COPG2: variants seen among roughly 807,000 people sequenced by gnomAD.
COPG2 encodes the protein coat protein complex I subunit gamma 2.
A neutral mutation model predicts 46.3 loss-of-function variants in COPG2; 37 were observed. The ratio of observed to expected loss-of-function variants is 0.80; its 90% confidence interval spans 0.61 to 1.05. COPG2 has a LOEUF of 1.05. COPG2 is among the 50% of genes least tolerant of loss of function. COPG2 has a pLI of 0.00. For synonymous variants in COPG2, 159 were observed against 129.7 expected (o/e 1.23, Z -1.53); for missense variants, 427 against 387.8 (o/e 1.10, Z -0.85).
rs575261580 is a variant in COPG2 at position 130,665,349 on chromosome 7, C to T, written c.171+1500G>A. Among the ~76,000 whole-genome samples, 5 of 152,112 alleles carry T rather than the reference C, an allele frequency of 3.3e-5. No individual in the cohort carries two copies. The South Asian group carries it at 1.0e-3, about 32-fold the overall frequency. ...TATCTTAGCACCATATGTAAACCACCTGAGGTATATGGTATATATGTATGT... is the reference window on the plus strand; with the variant it reads ...TATCTTAGCACCATATGTAAACCACTTGAGGTATATGGTATATATGTATGT... On this transcript the variant is annotated intron_variant, in intron 3 of 23. Coordinates refer to ENST00000425248, the MANE Select transcript of COPG2 (RefSeq NM_012133.6).
At chr7:130,584,832 A>G (rs782169878) in intron 9 of COPG2, among the ~76,000 whole-genome samples, 6 of 152,084 alleles carry the variant, frequency 3.9e-5, no homozygotes, top group Non-Finnish European at 8.8e-5. Flanking sequence ...ATGGAAACAC[A>G]TCCCATGCTC....
rs1793589940 is a variant in COPG2 at position 130,554,654 on chromosome 7, T to C, written c.1295A>G (p.Lys432Arg). 1 of 398,508 alleles carries C rather than the reference T, an allele frequency of 2.5e-6. No individual in the cohort carries two copies. Among genetic ancestry groups the C allele is most frequent in the South Asian group, 1.3e-4 (1 of 7,858 alleles). 24.7% of individuals were successfully genotyped at this position (398,508 alleles called of 1,614,324 possible). The change falls in exon 14 of 24, where the codon AAA becomes AGA. Residue 432 changes from lysine (K) to arginine (R), a missense_variant. By Grantham distance (26) the Lys-to-Arg change is conservative. Coordinates refer to ENST00000425248, the MANE Select transcript of COPG2 (RefSeq NM_012133.6). ...ISIVEENPES[K>R]EAGLAHLCEF... ...ACAAAGGTGGGCTAGGCCTGCTTCT[T>C]TACTCTCAGGGTTCTCTTCCACAAT...
chr7:130,639,016 GC>G (rs1336437487), intron 5 of COPG2, among the ~76,000 whole-genome samples: 1 of 152,186 alleles, frequency 6.6e-6, no homozygotes, highest in Non-Finnish European at 1.5e-5. Flanking sequence ...CCCTGGTGAG[GC>G]AATGCCCCAT....
intron 20 of COPG2, among the ~76,000 whole-genome samples, chr7:130,515,890 A>T (rs1208642948): frequency 2.0e-5 from 3 of 152,188 alleles, no homozygotes; most frequent in African/African-American, 7.2e-5. Flanking sequence ...TAATCCAGTC[A>T]CAGCCACTCA....
rs375700621 is a variant in COPG2 at position 130,610,886 on chromosome 7, A to C, written c.737+67T>G. 3.3e-6 allele frequency: 5 copies of C among 1,531,538 alleles called. No individual in the cohort carries two copies. The African/African-American group carries it at 6.8e-5, about 21-fold the overall frequency. 94.9% of individuals were successfully genotyped at this position (1,531,538 alleles called of 1,614,324 possible). The stretch of plus-strand genomic sequence containing the variant: ...CTGCCCCAAAAAAAATTCAAAAAGG[A>C]AATAAACTCTAAGGTATATTAACTT... On this transcript the variant is annotated intron_variant, in intron 9 of 23. Coordinates refer to ENST00000425248, the MANE Select transcript of COPG2 (RefSeq NM_012133.6).
chr7:130,583,665 C>T (rs1482912675), intron 9 of COPG2, among the ~76,000 whole-genome samples: 1 of 150,306 alleles, frequency 6.7e-6, no homozygotes, highest in African/African-American at 2.4e-5. Context: ...ATTAGCCAGG[C>T]ATGGTGGCGC....
intron 20 of COPG2, among the ~76,000 whole-genome samples, chr7:130,525,955 G>A (rs1369067098): frequency 2.6e-5 from 4 of 152,172 alleles, no homozygotes; most frequent in African/African-American, 9.7e-5. Flanking sequence ...AAGAAGAAAT[G>A]AGTGACCTGG....
At chr7:130,579,749 G>A (rs1219529309) in intron 9 of COPG2, among the ~76,000 whole-genome samples, 3 of 150,618 alleles carry the variant, frequency 2.0e-5, no homozygotes, top group African/African-American at 7.3e-5. Context: ...AAAGAGACAA[G>A]GCCATTACAT....
intron 20 of COPG2, among the ~76,000 whole-genome samples, chr7:130,544,537 TATG>T (rs1283243726): frequency 6.6e-6 from 1 of 152,068 alleles, no homozygotes; most frequent in Non-Finnish European, 1.5e-5. Context: ...TAACAAGAAA[TATG>T]ATGCAATAAA....
intron 20 of COPG2, among the ~76,000 whole-genome samples, chr7:130,520,062 T>C (rs964352002): frequency 0.015 from 2,302 of 152,260 alleles, 62 homozygotes; most frequent in African/African-American, 0.053. Context: ...TCGGGATTCT[T>C]TGTAGAACAA....
Position 130,652,943 on chromosome 7 carries a change from T to C in COPG2, c.249A>G (p.Thr83=). ...MTRLFQSNDQ[T]LRRMCYLTIK... is the part of the protein sequence containing the mutation. ...TGGTAAGGTAGCACATTCTCCTCAA[T>C]GTTTGCTGAAAAATCATTTATAAAA... The change falls in exon 5 of 24, where the codon ACA becomes ACG. Residue 83 remains threonine (T), a synonymous_variant. Coordinates refer to ENST00000425248, the MANE Select transcript of COPG2 (RefSeq NM_012133.6). 1 of 1,595,128 alleles carries C rather than the reference T, an allele frequency of 6.3e-7. No homozygotes were observed. Among genetic ancestry groups the C allele is most frequent in the Non-Finnish European group, 8.6e-7 (1 of 1,167,628 alleles).
intron 20 of COPG2, among the ~76,000 whole-genome samples, chr7:130,534,793 A>T (rs1466776403): frequency 2.6e-5 from 4 of 152,172 alleles, no homozygotes; most frequent in Non-Finnish European, 5.9e-5. Context: ...CAGCCACAAT[A>T]GCAAGCAATA....
chr7:130,514,618 G>A (rs143358060), intron 20 of COPG2, among the ~76,000 whole-genome samples: 12 of 152,190 alleles, frequency 7.9e-5, no homozygotes, highest in East Asian at 7.7e-4. Context: ...ATAAGGTAGC[G>A]TACATCTTTA....
Position 130,613,577 on chromosome 7 carries a change from G to A in COPG2, c.459C>T (p.Ser153=), listed in dbSNP as rs376155857. The change falls in exon 7 of 24, where the codon TCC becomes TCT. Residue 153 remains serine, a synonymous_variant. Coordinates refer to ENST00000425248, the MANE Select transcript of COPG2 (RefSeq NM_012133.6). ...YMKQAIVDKV[S]SVSSSALVSS... is the part of the protein sequence containing the mutation. The stretch of plus-strand genomic sequence containing the variant: ...ATACCAGTGCTGAACTGGATACACT[G>A]GAAACTTTATCCACAATGGCCTGCT... 2.5e-6 allele frequency: 4 copies of A among 1,601,082 alleles called. No homozygotes were observed. Among genetic ancestry groups the A allele is most frequent in the Non-Finnish European group, 3.4e-6 (4 of 1,172,908 alleles).
At chr7:130,530,630 G>C (rs1208134379) in intron 20 of COPG2, among the ~76,000 whole-genome samples, 1 of 152,118 alleles carries the variant, frequency 6.6e-6, no homozygotes, top group Non-Finnish European at 1.5e-5. Flanking sequence ...AGAAATATGG[G>C]CCACAGACAG....
At chr7:130,511,990 G>T in intron 20 of COPG2, 1 of 441,748 alleles carries the variant, frequency 2.3e-6, no homozygotes, top group Non-Finnish European at 4.6e-6. Flanking sequence ...TGAGGCAGGT[G>T]GATCACCTGA....
intron 20 of COPG2, among the ~76,000 whole-genome samples, chr7:130,536,741 G>T (rs1181691063): frequency 2.0e-5 from 3 of 152,206 alleles, no homozygotes; most frequent in Non-Finnish European, 4.4e-5. Context: ...CGAGCAAATG[G>T]ATGTAGCCGA....
rs879090141 is a variant in COPG2 at position 130,550,510 on chromosome 7, T to C, written c.1774+14A>G. 0.8 allele frequency: 313,484 copies of C among 393,040 alleles called. 125,290 individuals carry two copies. The highest frequency in any genetic ancestry group is 0.89 in the East Asian group (24,737 of 27,798). The allele number at this position is 393,040 out of a possible 1,614,324, so 24.3% of individuals were successfully genotyped here. ...GCAAAACTACTTATACACAGAAAAATGAATAGAGTGAACCTGCTTTCTGTT... is the reference window on the plus strand; with the variant it reads ...GCAAAACTACTTATACACAGAAAAACGAATAGAGTGAACCTGCTTTCTGTT... On this transcript the variant is annotated intron_variant, in intron 17 of 23. Coordinates refer to ENST00000425248, the MANE Select transcript of COPG2 (RefSeq NM_012133.6).
intron 5 of COPG2, among the ~76,000 whole-genome samples, chr7:130,644,407 G>C (rs1285818414): frequency 2.6e-5 from 4 of 152,136 alleles, no homozygotes; most frequent in Non-Finnish European, 4.4e-5. Flanking sequence ...CCCTTTTCTA[G>C]GAACAAAGTG....
Sources: allele counts gnomAD v4.1 joint callset (sites outside exome capture counted in the v4.1 genomes callset), GRCh38; gene constraint gnomAD v4.1.1; transcripts MANE v1.5; gene names NCBI Gene and HGNC (gene_info 2026-07-23, HGNC 2026-07-21).